The following RALGAPA2 variants were observed in gnomAD, a reference collection of about 807,000 sequenced individuals.
RALGAPA2 encodes Ral GTPase activating protein catalytic subunit alpha 2, also known as ral GTPase-activating protein subunit alpha-2.
RALGAPA2 carries 139 observed loss-of-function variants against 230.4 expected under a neutral mutation model. The ratio of observed to expected loss-of-function variants is 0.60; its 90% confidence interval spans 0.53 to 0.69. The LOEUF (loss-of-function observed/expected upper bound fraction) is 0.69, where lower values mean the gene tolerates loss of function less well. RALGAPA2 is among the 30% of genes least tolerant of loss of function. RALGAPA2 has a pLI of 0.00. For missense variants in RALGAPA2, 2,163 were observed against 2,276.0 expected (o/e 0.95, Z 1.01); for synonymous variants, 847 against 837.8 (o/e 1.01, Z -0.19).
intron 37 of RALGAPA2, among the ~76,000 whole-genome samples, chr20:20,440,719 G>A (rs1333249973): frequency 6.6e-6 from 1 of 152,238 alleles, no homozygotes; most frequent in African/African-American, 2.4e-5. Flanking sequence ...CAGAGCACCT[G>A]GTACTCCCCG....
chr20:20,636,751 C>G (rs547760997), intron 8 of RALGAPA2, among the ~76,000 whole-genome samples: 5 of 152,302 alleles, frequency 3.3e-5, no homozygotes, highest in African/African-American at 1.2e-4. Flanking sequence ...TTGACCCCCA[C>G]CTTTACCACT....
At chr20:20,584,518 A>AT (rs2065076308) in intron 19 of RALGAPA2, among the ~76,000 whole-genome samples, 1 of 152,212 alleles carries the variant, frequency 6.6e-6, no homozygotes, top group South Asian at 2.1e-4. Context: ...TCTCAAATTG[A>AT]TAAGCTATTA....
intron 37 of RALGAPA2, among the ~76,000 whole-genome samples, chr20:20,422,649 G>T (rs1435633213): frequency 1.3e-5 from 2 of 152,198 alleles, no homozygotes; most frequent in Admixed American, 1.3e-4. Flanking sequence ...CTAATAAAAA[G>T]ATCTTCACTG....
Position 20,403,278 on chromosome 20 carries a change from T to C in RALGAPA2, c.5618-6544A>G, listed in dbSNP as rs1318797213. Among the ~76,000 whole-genome samples the C allele has an allele frequency of 2.0e-5, 3 of 152,338 alleles. No homozygotes were observed. In the East Asian group the frequency reaches 5.8e-4, roughly 29 times the overall value. ...TCTCTGCAACTGGCATATTCAGTGT[T>C]TGGTAAACATTTATGGGATGAATGT... On this transcript the variant is annotated intron_variant, in intron 38 of 39. Transcript: ENST00000202677.
chr20:20,565,259 T>A (rs376391362), intron 23 of RALGAPA2, among the ~76,000 whole-genome samples: 24 of 152,358 alleles, frequency 1.6e-4, no homozygotes, highest in African/African-American at 5.8e-4. Context: ...ACCTTAAATA[T>A]ACTTTGAAAT....
intron 9 of RALGAPA2, among the ~76,000 whole-genome samples, chr20:20,634,175 C>T (rs1050381574): frequency 1.3e-5 from 2 of 151,086 alleles, no homozygotes; most frequent in Admixed American, 6.6e-5. Context: ...CAGATAAACT[C>T]TTATTATTTG....
At chr20:20,583,015 T>TC in intron 20 of RALGAPA2, 35 bp downstream of exon 20, 1 of 1,596,790 alleles carries the variant, frequency 6.3e-7, no homozygotes, top group Non-Finnish European at 8.6e-7. Context: ...TCCCAGCTGT[T>TC]TGCATTAGTG....
chr20:20,641,269 TGTAA>T (rs1431904384), intron 5 of RALGAPA2, among the ~76,000 whole-genome samples: 9 of 152,218 alleles, frequency 5.9e-5, no homozygotes, highest in Non-Finnish European at 7.3e-5. Flanking sequence ...GTAAGCACTA[TGTAA>T]GTGTTTCCTG....
chr20:20,606,047 C>T (rs1478240077), intron 14 of RALGAPA2, among the ~76,000 whole-genome samples: 1 of 152,154 alleles, frequency 6.6e-6, no homozygotes, highest in Non-Finnish European at 1.5e-5. Flanking sequence ...GCCAACCCCA[C>T]TTCCCCAGCT....
chr20:20,392,772 A>T lies in RALGAPA2; in HGVS notation c.*517T>A. The T allele has an allele frequency of 5.5e-6, 1 of 182,906 alleles. No homozygotes were observed. Among genetic ancestry groups the T allele is most frequent in the South Asian group, 9.7e-5 (1 of 10,294 alleles). 11.3% of individuals were successfully genotyped at this position (182,906 alleles called of 1,614,324 possible). A position where few individuals can be genotyped will look rare whatever the true frequency, so the allele number is the denominator to read the frequency against. ...AAAGGAACTAGCAAAATCAATGCAG[A>T]TCAGATTCCTCAATTAGACAATTGT... On this transcript the variant is annotated 3_prime_UTR_variant, in exon 40 of 40. Transcript: ENST00000202677.
chr20:20,679,894 A>G (rs899122097), intron 2 of RALGAPA2, among the ~76,000 whole-genome samples: 4 of 152,218 alleles, frequency 2.6e-5, no homozygotes, highest in African/African-American at 9.7e-5. Flanking sequence ...CTTATTTTTT[A>G]AATAAATGAA....
intron 37 of RALGAPA2, among the ~76,000 whole-genome samples, chr20:20,470,166 T>C (rs1002226283): frequency 6.6e-6 from 1 of 152,198 alleles, no homozygotes; most frequent in Non-Finnish European, 1.5e-5. Context: ...TTGATATTGA[T>C]TCTAACTGCA....
chr20:20,599,641 C>T (rs190131867), intron 16 of RALGAPA2, among the ~76,000 whole-genome samples: 3 of 152,152 alleles, frequency 2.0e-5, no homozygotes, highest in Admixed American at 6.5e-5. Context: ...TTGCAAAAAC[C>T]GGAACAAACT....
At chr20:20,673,782 G>GACA (rs1207491350) in intron 3 of RALGAPA2, among the ~76,000 whole-genome samples, 1 of 152,096 alleles carries the variant, frequency 6.6e-6, no homozygotes, top group Non-Finnish European at 1.5e-5. Flanking sequence ...AGAAATGCTT[G>GACA]ACAACAGGTT....
intron 13 of RALGAPA2, among the ~76,000 whole-genome samples, chr20:20,613,241 T>C (rs989177853): frequency 6.6e-6 from 1 of 152,114 alleles, no homozygotes; most frequent in Non-Finnish European, 1.5e-5. Context: ...GCTCAAAGAG[T>C]GTAATAAACT....
At chr20:20,654,831 T>A (rs1352468758) in intron 3 of RALGAPA2, among the ~76,000 whole-genome samples, 1 of 152,196 alleles carries the variant, frequency 6.6e-6, no homozygotes, top group Non-Finnish European at 1.5e-5. Flanking sequence ...TTATTCTCCA[T>A]AACGGCTGCA....
chr20:20,407,147 G>A (rs1474757926), intron 38 of RALGAPA2, among the ~76,000 whole-genome samples: 1 of 152,088 alleles, frequency 6.6e-6, no homozygotes, highest in East Asian at 1.9e-4. Context: ...TAATGTGACA[G>A]GGTTAGACAT....
intron 4 of RALGAPA2, among the ~76,000 whole-genome samples, chr20:20,653,195 C>CAAAAAAAAAAAAAAA (rs60906434): frequency 1.5e-3 from 40 of 27,528 alleles, no homozygotes; most frequent in Non-Finnish European, 2.5e-3. Flanking sequence ...GACTCCATCT[C>CAAAAAAAAAAAAAAA]AAAAAAAAAA....
chr20:20,421,043 C>CACT (rs1290554770), intron 37 of RALGAPA2, among the ~76,000 whole-genome samples: 12 of 152,180 alleles, frequency 7.9e-5, no homozygotes, highest in Admixed American at 1.3e-4. Context: ...GAGAAAACAT[C>CACT]TGCAAACCAT....
Sources: allele counts gnomAD v4.1 joint callset (sites outside exome capture counted in the v4.1 genomes callset), GRCh38; gene constraint gnomAD v4.1.1; transcripts MANE v1.5; gene names NCBI Gene and HGNC (gene_info 2026-07-23, HGNC 2026-07-21).